Variants in PADI6 observed in about 807,000 individuals in gnomAD.
The protein encoded by PADI6 is inactive protein-arginine deiminase type-6.
PADI6 carries 66 observed loss-of-function variants against 78.2 expected under a neutral mutation model. That is an observed-to-expected ratio of 0.84 (90% CI 0.69 to 1.04). The LOEUF (loss-of-function observed/expected upper bound fraction) is 1.04, where lower values mean the gene tolerates loss of function less well. Among genes scored for constraint, PADI6 ranks in the 50% least tolerant of loss-of-function variants. The pLI, the probability that PADI6 is intolerant of heterozygous loss-of-function variation, is 0.00. For missense variants in PADI6, 854 were observed against 866.1 expected, an observed-to-expected ratio of 0.99 and a Z score of 0.18; for synonymous variants, 397 against 346.9, an observed-to-expected ratio of 1.14 and a Z score of -1.60.
In PADI6 at chr1:17,398,678, A is replaced by ACCCCCCCCCC; in HGVS notation, c.1690-5_1690-4insCCCCCCCCCC. Reference sequence around the variant, plus strand: ...CGCCCCCCCCCCCACCCACCCACCCACCCACAGAAGTGCATTCACCTGAAC... The same window carrying ACCCCCCCCCC: ...CGCCCCCCCCCCCACCCACCCACCCACCCCCCCCCCCCCACAGAAGTGCATTCACCTGAAC... On this transcript the variant is annotated splice_polypyrimidine_tract_variant and splice_region_variant and intron_variant, in intron 14 of 15. Coordinates refer to ENST00000619609, the MANE Select transcript of PADI6 (RefSeq NM_207421.4). 2 of 110,268 alleles carry ACCCCCCCCCC rather than the reference A, an allele frequency of 1.8e-5. No homozygotes were observed. The highest frequency in any genetic ancestry group is 6.2e-5 in the South Asian group (1 of 16,164). The allele number at this position is 110,268 out of a possible 1,614,324, so 6.8% of individuals were successfully genotyped here. A position where few individuals can be genotyped will look rare whatever the true frequency, so the allele number is the denominator to read the frequency against.
chr1:17,394,299 G>C lies in PADI6; in HGVS notation c.1183-1G>C. Reference sequence around the variant, plus strand: ...CTTCCCTGGCTCGGTCTCTCCCCCAGAGCCCTGGTATTGGCTACATGATCC... The same window carrying C: ...CTTCCCTGGCTCGGTCTCTCCCCCACAGCCCTGGTATTGGCTACATGATCC... On this transcript the variant is annotated splice_acceptor_variant, in intron 10 of 15. Transcript: ENST00000619609. LOFTEE classifies it high-confidence loss of function. 6.2e-7 allele frequency: 1 copy of C among 1,612,252 alleles called. No individual in the cohort carries two copies. Among genetic ancestry groups the C allele is most frequent in the Non-Finnish European group, 8.5e-7 (1 of 1,178,500 alleles).
intron 2 of PADI6, among the ~76,000 whole-genome samples, chr1:17,374,325 G>A (rs1281775092): frequency 1.3e-5 from 2 of 151,964 alleles, no homozygotes; most frequent in Non-Finnish European, 2.9e-5. Context: ...GTGGACTTAG[G>A]TAGGAACTGA....
intron 8 of PADI6, among the ~76,000 whole-genome samples, chr1:17,391,873 C>CGT (rs2075187900): frequency 6.6e-6 from 1 of 152,050 alleles, no homozygotes; most frequent in Non-Finnish European, 1.5e-5. Context: ...AGGGAAGGGG[C>CGT]CGCCACTGGC....
At chr1:17,397,251 G>A in intron 14 of PADI6, 110 bp downstream of exon 14, 1 of 1,134,868 alleles carries the variant, frequency 8.8e-7, no homozygotes, top group Non-Finnish European at 1.3e-6. Context: ...GCGGCGGGGG[G>A]CAGCTGCCTG....
intron 15 of PADI6, among the ~76,000 whole-genome samples, chr1:17,399,822 G>C (rs973998477): frequency 1.3e-5 from 2 of 152,012 alleles, no homozygotes; most frequent in African/African-American, 4.8e-5. Flanking sequence ...TGGATCACTT[G>C]AAGTCTGAAG....
chr1:17,394,291 C>A lies in PADI6; in HGVS notation c.1183-9C>A, dbSNP rs767987621. ...TAACACCCCTTCCCTGGCTCGGTCT[C>A]TCCCCCAGAGCCCTGGTATTGGCTA... On this transcript the variant is annotated splice_polypyrimidine_tract_variant and intron_variant, in intron 10 of 15. Coordinates refer to ENST00000619609, the MANE Select transcript of PADI6 (RefSeq NM_207421.4). 178 of 1,611,128 alleles carry A rather than the reference C, an allele frequency of 1.1e-4. No individual in the cohort carries two copies. The highest frequency in any genetic ancestry group is 1.4e-4 in the Non-Finnish European group (169 of 1,177,660).
intron 8 of PADI6, among the ~76,000 whole-genome samples, chr1:17,391,345 G>A (rs113124978): frequency 2.1e-4 from 32 of 152,214 alleles, no homozygotes; most frequent in African/African-American, 7.2e-4. Context: ...TCAGCCTCCC[G>A]AGAAGCTGGG....
At position 17,394,440 on chromosome 1, in the gene PADI6, C is replaced by G. The variant is rs1455582847; in HGVS notation, c.1323C>G (p.Ser441Arg). Residue 441 changes from serine (S) to arginine (R), a missense_variant, in exon 11 of 16, where the codon AGC becomes AGG. Transcript: ENST00000619609. ...CGCTGGGCAGAGTCCTCATTGGCAG[C>G]AGCTTTTACCCCAGGTGAGCCACAA... The part of the protein sequence containing the change: ...EYPLGRVLIG[S>R]SFYPSAEGRA... 6.2e-7 allele frequency: 1 copy of G among 1,613,094 alleles called. No homozygotes were observed. Among genetic ancestry groups the G allele is most frequent in the Non-Finnish European group, 8.5e-7 (1 of 1,179,442 alleles).
In PADI6 at chr1:17,398,845, C is replaced by A. The variant is rs747354730; in HGVS notation, c.1849C>A (p.Leu617Met). ...CTTTGCGAGGCCATACTTCCCTGACCTGGTGAGGGGCGACTGCGCATCCCT... is the reference window on the plus strand; with the variant it reads ...CTTTGCGAGGCCATACTTCCCTGACATGGTGAGGGGCGACTGCGCATCCCT... ...RSFARPYFPD[L>M]LRMIVMGKNL... is the part of the protein sequence containing the mutation. Residue 617 changes from leucine to methionine, a missense_variant and splice_region_variant, in exon 15 of 16, where the codon CTG becomes ATG. Physicochemically the swap from Leu to Met is conservative, Grantham distance 15. Transcript: ENST00000619609. 1 of 1,613,248 alleles carries A rather than the reference C, an allele frequency of 6.2e-7. No homozygotes were observed. The highest frequency in any genetic ancestry group is 8.5e-7 in the Non-Finnish European group (1 of 1,179,624).
intron 6 of PADI6, among the ~76,000 whole-genome samples, chr1:17,382,785 T>G (rs1406403574): frequency 1.3e-5 from 2 of 152,232 alleles, no homozygotes; most frequent in African/African-American, 2.4e-5. Context: ...CTTTGGGTTT[T>G]GTTTTGTTTT....
intron 6 of PADI6, among the ~76,000 whole-genome samples, chr1:17,387,448 AAAG>A (rs1157547731): frequency 6.9e-5 from 10 of 145,380 alleles, no homozygotes; most frequent in African/African-American, 2.5e-4. Flanking sequence ...CCACCTCAAA[AAAG>A]AAAAGGAGGG....
rs776449550 is a variant in PADI6, at chr1:17,401,310, C to A, written c.1957C>A (p.Pro653Thr). The A allele has an allele frequency of 1.2e-6, 2 of 1,614,096 alleles. No individual in the cohort carries two copies. The highest frequency in any genetic ancestry group is 8.5e-7 in the Non-Finnish European group (1 of 1,179,916). ...AGAAAAGATTTGCTGCTTGCTGGAGCCCCTGGGCTTCAAGTGCACCTTCAT... is the reference window on the plus strand; with the variant it reads ...AGAAAAGATTTGCTGCTTGCTGGAGACCCTGGGCTTCAAGTGCACCTTCAT... ...LEEKICCLLE[P>T]LGFKCTFIND... is the part of the protein sequence containing the mutation. Residue 653 changes from proline to threonine, a missense_variant, in exon 16 of 16, where the codon CCC becomes ACC. Coordinates refer to ENST00000619609, the MANE Select transcript of PADI6 (RefSeq NM_207421.4).
At chr1:17,376,993 C>A (rs1293828540) in intron 3 of PADI6, among the ~76,000 whole-genome samples, 1 of 152,116 alleles carries the variant, frequency 6.6e-6, no homozygotes, top group African/African-American at 2.4e-5. Context: ...TCACCTCAGC[C>A]TCTCCAGTAG....
Position 17,385,975 on chromosome 1 carries a change from TCA to T in PADI6, c.680-2405_680-2404del, listed in dbSNP as rs372378057. On this transcript the variant is annotated intron_variant, in intron 6 of 15. Transcript: ENST00000619609. ...GAAGAATAAACCATGTTACCTGCTC[TCA>T]GAGCCTGCTACGACAGATGGACAGA... Among the ~76,000 whole-genome samples the T allele has an allele frequency of 1.2e-3, 188 of 152,274 alleles. 1 individual carries two copies. The East Asian group carries it at 0.027, about 22-fold the overall frequency.
In PADI6 at chr1:17,398,568, G is replaced by A. The variant is rs1000061073; in HGVS notation, c.1690-118G>A. 20 of 627,734 alleles carry A rather than the reference G, an allele frequency of 3.2e-5. No individual in the cohort carries two copies. The African/African-American group carries it at 3.5e-4, about 11-fold the overall frequency. 38.9% of individuals were successfully genotyped at this position (627,734 alleles called of 1,614,324 possible). ...GGCTCCTGGCACACAGCAAGTGATG[G>A]GGATGGTAGTGGTGTCAGGCCATCA... On this transcript the variant is annotated intron_variant, in intron 14 of 15. Coordinates refer to ENST00000619609, the MANE Select transcript of PADI6 (RefSeq NM_207421.4).
At chr1:17,375,748 G>A (rs1042864302) in intron 3 of PADI6, among the ~76,000 whole-genome samples, 1 of 152,124 alleles carries the variant, frequency 6.6e-6, no homozygotes, top group Admixed American at 6.6e-5. Flanking sequence ...GAAACAGCCA[G>A]AACTTCCGTG....
At chr1:17,388,650 T>TG (rs1255093644) in intron 7 of PADI6, 91 bp downstream of exon 7, 41 of 1,464,780 alleles carry the variant, frequency 2.8e-5, no homozygotes, top group Non-Finnish European at 3.7e-5. Flanking sequence ...TGAGGTTTGC[T>TG]GGGGGAGAGC....
intron 11 of PADI6, 33 bp downstream of exon 11, chr1:17,394,487 A>T (rs1178729377): frequency 6.2e-7 from 1 of 1,604,514 alleles, no homozygotes; most frequent in African/African-American, 1.3e-5. Context: ...TCCAAATGAA[A>T]GGAAGGGACC....
intron 9 of PADI6, among the ~76,000 whole-genome samples, chr1:17,393,280 C>T (rs1050359045): frequency 1.3e-5 from 2 of 152,162 alleles, no homozygotes; most frequent in African/African-American, 4.8e-5. Flanking sequence ...AAACAAGAGA[C>T]ACTCAAAGCA....
Sources: gnomAD v4.1 joint callset for allele counts (sites outside exome capture counted in the v4.1 genomes callset) on GRCh38, gnomAD v4.1.1 for gene constraint, MANE v1.5 for transcripts, NCBI Gene and HGNC (gene_info 2026-07-23, HGNC 2026-07-21) for gene names.